VPS13D: variants seen among roughly 807,000 people sequenced by gnomAD.
VPS13D encodes the protein vacuolar protein sorting 13 homolog D, also known as intermembrane lipid transfer protein VPS13D.
VPS13D carries 187 observed loss-of-function variants against 461.9 expected under a neutral mutation model. The observed-to-expected ratio is 0.40, with a 90% CI of 0.36 to 0.46. VPS13D has a LOEUF of 0.46. VPS13D is among the 20% of genes least tolerant of loss of function. VPS13D has a pLI of 0.60. For missense variants in VPS13D, 4,711 were observed against 5,364.9 expected, an observed-to-expected ratio of 0.88 and a Z score of 3.81; for synonymous variants, 1,951 against 1,986.3, an observed-to-expected ratio of 0.98 and a Z score of 0.47.
chr1:12,250,404 T>A (rs1557663795), intron 6 of VPS13D, among the ~76,000 whole-genome samples: 1 of 152,196 alleles, frequency 6.6e-6, no homozygotes, highest in Non-Finnish European at 1.5e-5. Context: ...ATGACACTCC[T>A]GTCAGGAACT....
intron 67 of VPS13D, among the ~76,000 whole-genome samples, chr1:12,476,686 G>T (rs937905937): frequency 5.3e-5 from 8 of 152,124 alleles, no homozygotes; most frequent in Non-Finnish European, 1.2e-4. Context: ...AGCTTAAGTG[G>T]TTCTCTATAA....
chr1:12,416,850 C>T lies in VPS13D; in HGVS notation c.12333+23C>T, dbSNP rs1644800147. ...AAGGTAAGGAAATAGAGGTGAAATT[C>T]CATTATAATTAACCTCACGAGTCCT... On this transcript the variant is annotated intron_variant, in intron 65 of 69. Coordinates refer to ENST00000620676, the MANE Select transcript of VPS13D (RefSeq NM_015378.4). 8.8e-6 allele frequency: 14 copies of T among 1,598,962 alleles called. No individual in the cohort carries two copies. The East Asian group carries it at 3.1e-4, about 36-fold the overall frequency.
intron 60 of VPS13D, among the ~76,000 whole-genome samples, chr1:12,395,966 G>A (rs1644489290): frequency 8.2e-6 from 1 of 121,774 alleles, no homozygotes; most frequent in Non-Finnish European, 1.6e-5. Flanking sequence ...TATTAGTCAG[G>A]GTTCTCTTAG....
intron 10 of VPS13D, among the ~76,000 whole-genome samples, chr1:12,260,015 C>CTT (rs70987243): frequency 0.014 from 1,009 of 72,688 alleles, 98 homozygotes; most frequent in Admixed American, 0.039. Flanking sequence ...GCTTTAGTGA[C>CTT]TTTTTTTTTT....
Position 12,460,232 on chromosome 1 carries a change from T to C in VPS13D, c.12498T>C (p.Thr4166=). ...GIIGGLTSVI[T]STVEGVKTEG... is the part of the protein sequence containing the mutation. ...TTGGTGGACTGACCAGTGTTATAAC[T>C]TCGACAGTGGAAGGTGTGAAAACAG... is the stretch of plus-strand genomic sequence containing the variant. Residue 4166 remains threonine, a synonymous_variant, in exon 67 of 70, where the codon ACT becomes ACC. Transcript: ENST00000620676. 1 of 1,609,516 alleles carries C rather than the reference T, an allele frequency of 6.2e-7. No homozygotes were observed. Among genetic ancestry groups the C allele is most frequent in the Non-Finnish European group, 8.5e-7 (1 of 1,177,752 alleles).
intron 67 of VPS13D, among the ~76,000 whole-genome samples, chr1:12,489,092 T>G (rs1284771592): frequency 6.6e-6 from 1 of 152,198 alleles, no homozygotes; most frequent in African/African-American, 2.4e-5. Context: ...ACATGATCTA[T>G]TTTCTTGGAA....
chr1:12,411,959 A>T (rs77775859), intron 63 of VPS13D, among the ~76,000 whole-genome samples: 210 of 152,346 alleles, frequency 1.4e-3, no homozygotes, highest in Non-Finnish European at 2.6e-3. Context: ...ACACATTATT[A>T]TATCTCTCGC....
intron 18 of VPS13D, 65 bp downstream of exon 18, chr1:12,273,200 C>A (rs1641506333): frequency 1.3e-6 from 2 of 1,510,812 alleles, no homozygotes; most frequent in African/African-American, 2.8e-5. Flanking sequence ...CTATGATTAT[C>A]TAAGTAAAGC....
chr1:12,321,743 G>T (rs964675774), intron 32 of VPS13D, 66 bp from the exon 33 acceptor site: 3 of 1,515,946 alleles, frequency 2.0e-6, no homozygotes, highest in African/African-American at 2.8e-5. Flanking sequence ...TAGCCTCTTT[G>T]TGCTGGTAGT....
At chr1:12,244,157 C>G in intron 3 of VPS13D, 89 bp from the exon 4 acceptor site, 1 of 1,361,886 alleles carries the variant, frequency 7.3e-7, no homozygotes, top group African/African-American at 1.5e-5. Context: ...GCAATCCATG[C>G]TCCTTAAACA....
intron 38 of VPS13D, 69 bp from the exon 39 acceptor site, chr1:12,335,636 T>A: frequency 6.5e-7 from 1 of 1,534,470 alleles, no homozygotes; most frequent in Non-Finnish European, 8.8e-7. Context: ...TTTTGCTGAA[T>A]TGAAATTATT....
intron 67 of VPS13D, chr1:12,478,864 G>A (rs765381898): frequency 1.8e-5 from 8 of 456,016 alleles, no homozygotes; most frequent in South Asian, 7.7e-5. Flanking sequence ...AGGCCGCATC[G>A]GTGGCAGAGG....
chr1:12,494,550 C>A (rs954831586), intron 67 of VPS13D, among the ~76,000 whole-genome samples: 4 of 152,184 alleles, frequency 2.6e-5, no homozygotes, highest in Admixed American at 6.5e-5. Context: ...CAGAAACAAG[C>A]CATCTTTCGT....
At chr1:12,265,869 C>T (rs753950542) in intron 13 of VPS13D, among the ~76,000 whole-genome samples, 6 of 152,164 alleles carry the variant, frequency 3.9e-5, no homozygotes, top group Non-Finnish European at 8.8e-5. Flanking sequence ...GTTGAAATGA[C>T]AACCCAAGGC....
Position 12,455,815 on chromosome 1 carries a change from A to C in VPS13D, c.12334-183A>C, listed in dbSNP as rs553940947. Among the ~76,000 whole-genome samples, 3 of 152,232 alleles carry C rather than the reference A, an allele frequency of 2.0e-5. No homozygotes were observed. In the East Asian group the frequency reaches 5.8e-4, roughly 29 times the overall value. On this transcript the variant is annotated intron_variant, in intron 65 of 69. Transcript: ENST00000620676. Reference sequence around the variant, plus strand: ...ACACCTGTAGTCTCAGCTACTCGGGAGCCTGAGGCAGGAGAATCACTTGAG... The same window carrying C: ...ACACCTGTAGTCTCAGCTACTCGGGCGCCTGAGGCAGGAGAATCACTTGAG...
At chr1:12,427,508 C>G (rs1644938234) in intron 65 of VPS13D, among the ~76,000 whole-genome samples, 1 of 151,720 alleles carries the variant, frequency 6.6e-6, no homozygotes, top group South Asian at 2.1e-4. Context: ...ATAGTTGTGT[C>G]TGTACTGAAC....
intron 54 of VPS13D, among the ~76,000 whole-genome samples, chr1:12,373,113 T>TTTTTTTTTTTTTG: frequency 6.9e-6 from 1 of 144,600 alleles, no homozygotes; most frequent in Admixed American, 6.9e-5. Flanking sequence ...TTTTTTTTTT[T>TTTTTTTTTTTTTG]TTTTTTTTTG....
chr1:12,364,525 G>C (rs1369951149), intron 52 of VPS13D, among the ~76,000 whole-genome samples: 1 of 152,164 alleles, frequency 6.6e-6, no homozygotes, highest in African/African-American at 2.4e-5. Context: ...TGGATCACAT[G>C]ATCATTCTGG....
rs536302959 is a variant in VPS13D at position 12,441,040 on chromosome 1, C to T, written c.12334-14958C>T. Among the ~76,000 whole-genome samples the T allele has an allele frequency of 1.6e-4, 25 of 152,096 alleles. No individual in the cohort carries two copies. In the South Asian group the frequency reaches 3.5e-3, roughly 21 times the overall value. On this transcript the variant is annotated intron_variant, in intron 65 of 69. Transcript: ENST00000620676. ...TCCTGGGTTCAAGCGACTCTCCTGC[C>T]TCAGCCTCCTGAGTAGCTGGGACTA...
Sources: gnomAD v4.1 joint callset for allele counts (sites outside exome capture counted in the v4.1 genomes callset) on GRCh38, gnomAD v4.1.1 for gene constraint, MANE v1.5 for transcripts, NCBI Gene and HGNC (gene_info 2026-07-23, HGNC 2026-07-21) for gene names.